FRRS1L: variants seen among roughly 807,000 people sequenced by gnomAD.
FRRS1L encodes DOMON domain-containing protein FRRS1L.
FRRS1L carries 22 observed loss-of-function variants against 28.6 expected under a neutral mutation model. The observed-to-expected ratio is 0.77, with a 90% CI of 0.55 to 1.10. FRRS1L has a LOEUF of 1.10. Among genes scored for constraint, FRRS1L ranks in the 50% least tolerant of loss-of-function variants. The pLI, the probability that FRRS1L is intolerant of heterozygous loss-of-function variation, is 0.00. For synonymous variants in FRRS1L, 158 were observed against 151.4 expected (o/e 1.04, Z -0.32); for missense variants, 380 against 386.9 (o/e 0.98, Z 0.15).
At chr9:109,149,275 G>A (rs1831299944) in intron 2 of FRRS1L, among the ~76,000 whole-genome samples, 1 of 152,138 alleles carries the variant, frequency 6.6e-6, no homozygotes, top group Non-Finnish European at 1.5e-5. Flanking sequence ...AAAGGAATTG[G>A]GTACTAAACA....
At chr9:109,137,700 G>GA in intron 4 of FRRS1L, 73 bp from the exon 5 acceptor site, 1 of 964,594 alleles carries the variant, frequency 1.0e-6, no homozygotes, top group South Asian at 2.8e-5. Flanking sequence ...GCAAACAATG[G>GA]AAAAATCAAA....
Position 109,166,941 on chromosome 9 carries a change from G to GAA in FRRS1L, c.196_197dup (p.Ala67SerfsTer62). 7.4e-7 allele frequency: 1 copy of GAA among 1,357,658 alleles called. No homozygotes were observed. The highest frequency in any genetic ancestry group is 9.6e-7 in the Non-Finnish European group (1 of 1,045,138). The allele number at this position is 1,357,658 out of a possible 1,614,324, so 84.1% of individuals were successfully genotyped here. Reference sequence around the variant, plus strand: ...AGCGCAGGTCGTAGAACTCCCCCGCGAAGGTGCCGTAGGAGGAGTCGTGGC... The same window carrying GAA: ...AGCGCAGGTCGTAGAACTCCCCCGCGAAAAGGTGCCGTAGGAGGAGTCGTGGC... On this transcript the variant is annotated frameshift_variant, in exon 1 of 5. Coordinates refer to ENST00000561981, the MANE Select transcript of FRRS1L (RefSeq NM_014334.4). LOFTEE classifies it high-confidence loss of function.
intron 1 of FRRS1L, among the ~76,000 whole-genome samples, chr9:109,159,165 C>A (rs929539471): frequency 6.6e-6 from 1 of 152,074 alleles, no homozygotes; most frequent in African/African-American, 2.4e-5. Flanking sequence ...ATTGGATTAT[C>A]TTTTTATTAA....
Position 109,133,145 on chromosome 9 carries a change from A to G in FRRS1L, c.*4310T>C, listed in dbSNP as rs1334489808. 6.6e-6 allele frequency: 1 copy of G among 152,234 alleles called. No individual in the cohort carries two copies. 9.4% of individuals were successfully genotyped at this position (152,234 alleles called of 1,614,324 possible). On this transcript the variant is annotated 3_prime_UTR_variant, in exon 5 of 5. Transcript: ENST00000561981. ...CTGCATTCTATCTGAAATCATGTTT[A>G]TATATTCACCTTTTGACTCAGCGGA...
chr9:109,135,571 C>G lies in FRRS1L; in HGVS notation c.*1884G>C, dbSNP rs146441808. 1.2e-3 allele frequency: 183 copies of G among 152,356 alleles called. No homozygotes were observed. The highest frequency in any genetic ancestry group is 4.3e-3 in the African/African-American group (177 of 41,582). 9.4% of individuals were successfully genotyped at this position (152,356 alleles called of 1,614,324 possible). The stretch of plus-strand genomic sequence containing the variant: ...GTTCAAGTGATTCTCGTGCCTCAGC[C>G]TCCCAAGTGGCTGGGATTACAGGCA... On this transcript the variant is annotated 3_prime_UTR_variant, in exon 5 of 5. Transcript: ENST00000561981.
intron 1 of FRRS1L, among the ~76,000 whole-genome samples, chr9:109,160,461 A>G (rs1831467094): frequency 6.6e-6 from 1 of 151,014 alleles, no homozygotes; most frequent in Non-Finnish European, 1.5e-5. Context: ...CCCAGACTGG[A>G]GCACAGCCTC....
intron 4 of FRRS1L, chr9:109,137,942 A>T: frequency 6.3e-6 from 1 of 158,166 alleles, no homozygotes; most frequent in Non-Finnish European, 1.4e-5. Flanking sequence ...TTGTGTGATT[A>T]TTGTATGATT....
At chr9:109,148,276 A>T (rs1182017594) in intron 2 of FRRS1L, 1 of 152,150 alleles carries the variant, frequency 6.6e-6, no homozygotes, top group African/African-American at 2.4e-5. Flanking sequence ...CTTATTTATA[A>T]AATTTGCCTT....
In FRRS1L at chr9:109,137,615, C is replaced by A. The variant is rs773672601; in HGVS notation, c.722G>T (p.Arg241Leu). The A allele has an allele frequency of 3.2e-6, 5 of 1,581,000 alleles. No individual in the cohort carries two copies. The highest frequency in any genetic ancestry group is 1.8e-5 in the Admixed American group (1 of 57,122). Reference sequence around the variant, plus strand: ...AGCCGGCGGTGAGTCTATATCATGTCGAGTGATAGAGCCTTTAAGAAAAAA... The same window carrying A: ...AGCCGGCGGTGAGTCTATATCATGTAGAGTGATAGAGCCTTTAAGAAAAAA... ...WGPAIQGSIT[R>L]HDIDSPPASE... The change falls in exon 5 of 5, where the codon CGA becomes CTA. Residue 241 changes from arginine (R) to leucine (L), a missense_variant. Arg to Leu is a moderately radical substitution (Grantham distance 102). Transcript: ENST00000561981.
In FRRS1L at chr9:109,163,825, C is replaced by T. The variant is rs374932289; in HGVS notation, c.238+3076G>A. On this transcript the variant is annotated intron_variant, in intron 1 of 4. Transcript: ENST00000561981. ...TGATAGAATAAGTCAAAGGCATTAC[C>T]GGCACTTCTTCACTTGCCACGTCCT... Among the ~76,000 whole-genome samples the T allele has an allele frequency of 9.9e-5, 15 of 152,268 alleles. No individual in the cohort carries two copies. In the East Asian group the frequency reaches 1.5e-3, roughly 16 times the overall value.
chr9:109,164,165 AGGCACTGCCTC>A (rs1284709194), intron 1 of FRRS1L, among the ~76,000 whole-genome samples: 1 of 152,176 alleles, frequency 6.6e-6, no homozygotes, highest in Non-Finnish European at 1.5e-5. Context: ...AATCTAGCAG[AGGCACTGCCTC>A]TGATAGCCCC....
intron 1 of FRRS1L, among the ~76,000 whole-genome samples, chr9:109,165,818 C>G (rs1421707502): frequency 6.6e-6 from 1 of 152,174 alleles, no homozygotes; most frequent in Non-Finnish European, 1.5e-5. Flanking sequence ...TTCCCACTGT[C>G]TAGAATGTGA....
At chr9:109,142,917 C>T (rs1831206305) in intron 3 of FRRS1L, among the ~76,000 whole-genome samples, 1 of 152,168 alleles carries the variant, frequency 6.6e-6, no homozygotes, top group Non-Finnish European at 1.5e-5. Context: ...ATCTAAGTAG[C>T]TGTAGTCCCA....
At chr9:109,156,689 G>GCTT (rs1318955296) in intron 1 of FRRS1L, among the ~76,000 whole-genome samples, 2 of 133,524 alleles carry the variant, frequency 1.5e-5, no homozygotes, top group Non-Finnish European at 3.2e-5. Flanking sequence ...GCACCTGGAT[G>GCTT]TTTTTTTTTT....
In FRRS1L at chr9:109,167,014, G is replaced by C; in HGVS notation, c.125C>G (p.Pro42Arg). 8.1e-7 allele frequency: 1 copy of C among 1,228,168 alleles called. No homozygotes were observed. The highest frequency in any genetic ancestry group is 1.0e-6 in the Non-Finnish European group (1 of 985,698). The allele number at this position is 1,228,168 out of a possible 1,614,324, so 76.1% of individuals were successfully genotyped here. ...CGTGTCCCCCCGCGCGCGTCCCCGG[G>C]GTCCCCGGCCCCCCGGGCCCGCACC... The part of the protein sequence containing the change: ...DDGAGPGGRG[P>R]RGRARGDTGA... Residue 42 changes from proline to arginine, a missense_variant, in exon 1 of 5, where the codon CCC becomes CGC. Transcript: ENST00000561981.
chr9:109,132,866 CCAAA>C lies in FRRS1L; in HGVS notation c.*4585_*4588del, dbSNP rs1352766863. On this transcript the variant is annotated 3_prime_UTR_variant, in exon 5 of 5. Coordinates refer to ENST00000561981, the MANE Select transcript of FRRS1L (RefSeq NM_014334.4). ...CATTTATGTATTGTTTATAGCAGAG[CCAAA>C]CAGAGACTGAAAAGCCAAAAAACTA... The C allele has an allele frequency of 2.8e-4, 43 of 152,088 alleles. No homozygotes were observed. The highest frequency in any genetic ancestry group is 1.0e-3 in the African/African-American group (42 of 41,394). The allele number at this position is 152,088 out of a possible 1,614,324, so 9.4% of individuals were successfully genotyped here. A position where few individuals can be genotyped will look rare whatever the true frequency, so the allele number is the denominator to read the frequency against.
chr9:109,141,010 T>C (rs1289598568), intron 4 of FRRS1L: 2 of 316,484 alleles, frequency 6.3e-6, no homozygotes, highest in African/African-American at 2.1e-5. Context: ...CTCAAGGACA[T>C]GGTGAGGAGT....
At chr9:109,142,788 T>C (rs934723861) in intron 3 of FRRS1L, among the ~76,000 whole-genome samples, 1 of 149,524 alleles carries the variant, frequency 6.7e-6, no homozygotes, top group Non-Finnish European at 1.5e-5. Flanking sequence ...GCTTGGGCAA[T>C]AGGGTGAGAC....
Position 109,167,175 on chromosome 9 carries a change from C to G in FRRS1L, c.-37G>C, listed in dbSNP as rs1479078837. On this transcript the variant is annotated 5_prime_UTR_variant, in exon 1 of 5. Transcript: ENST00000561981. ...GATCCCGCAGCCAGGCCGCTCGGGC[C>G]GCAGCGGGGGCGCCGCGGGCGCGGG... The G allele has an allele frequency of 4.3e-6, 5 of 1,152,466 alleles. No homozygotes were observed. The highest frequency in any genetic ancestry group is 5.3e-6 in the Non-Finnish European group (5 of 940,294). 71.4% of individuals were successfully genotyped at this position (1,152,466 alleles called of 1,614,324 possible). A position where few individuals can be genotyped will look rare whatever the true frequency, so the allele number is the denominator to read the frequency against.
Sources: allele counts gnomAD v4.1 joint callset (sites outside exome capture counted in the v4.1 genomes callset), GRCh38; gene constraint gnomAD v4.1.1; transcripts MANE v1.5; gene names NCBI Gene and HGNC (gene_info 2026-07-23, HGNC 2026-07-21).